SYT10: variants seen among roughly 807,000 people sequenced by gnomAD.
SYT10 encodes the protein synaptotagmin 10.
In SYT10, 31 loss-of-function variants were observed where a neutral mutation model predicts 51.1. The ratio of observed to expected loss-of-function variants is 0.61; its 90% CI spans 0.46 to 0.82. SYT10 has a LOEUF of 0.82. SYT10 is among the 40% of genes least tolerant of loss of function. The pLI is 0.00. For missense variants in SYT10, 603 were observed against 634.0 expected (o/e 0.95, Z 0.53); for synonymous variants, 233 against 225.9 (o/e 1.03, Z -0.28).
intron 6 of SYT10, among the ~76,000 whole-genome samples, chr12:33,378,814 C>CTGTGTGTGTG (rs56373564): frequency 8.9e-5 from 13 of 145,284 alleles, no homozygotes; most frequent in African/African-American, 3.2e-4. Flanking sequence ...GACTGGGTAT[C>CTGTGTGTGTG]TGTGTGTGTG....
chr12:33,417,373 C>T (rs1231305864), intron 2 of SYT10, among the ~76,000 whole-genome samples: 2 of 152,110 alleles, frequency 1.3e-5, no homozygotes, highest in African/African-American at 2.4e-5. Flanking sequence ...CATACTCTGC[C>T]CCTTTGCCTT....
At chr12:33,406,473 T>C (rs1467514998) in intron 3 of SYT10, among the ~76,000 whole-genome samples, 2 of 152,152 alleles carry the variant, frequency 1.3e-5, no homozygotes, top group Non-Finnish European at 2.9e-5. Flanking sequence ...TGAAAGTCAA[T>C]ACTAACTGTG....
intron 6 of SYT10, among the ~76,000 whole-genome samples, chr12:33,379,016 C>T (rs1395568552): frequency 1.4e-4 from 21 of 152,148 alleles, no homozygotes; most frequent in Non-Finnish European, 7.4e-5. Context: ...TCCCTTAACA[C>T]GTCCTGAGTA....
At chr12:33,384,405 T>C (rs1012339482) in intron 4 of SYT10, among the ~76,000 whole-genome samples, 33 of 152,248 alleles carry the variant, frequency 2.2e-4, no homozygotes, top group African/African-American at 7.9e-4. Context: ...TTATAGATCT[T>C]CCCCAAATGT....
intron 2 of SYT10, among the ~76,000 whole-genome samples, chr12:33,409,675 G>A (rs1271328026): frequency 3.3e-5 from 5 of 151,798 alleles, no homozygotes; most frequent in Non-Finnish European, 5.9e-5. Flanking sequence ...TACCACGCCC[G>A]GCTAATTTTT....
At position 33,421,887 on chromosome 12, in the gene SYT10, C is replaced by A. The variant is rs117633779; in HGVS notation, c.509+4251G>T. On this transcript the variant is annotated intron_variant, in intron 2 of 6. Transcript: ENST00000228567. ...TTGTTATTCCACACAAGGAAAGCAG[C>A]ATGAACAAAAGCACAGAGGCAAAGA... is the stretch of plus-strand genomic sequence containing the variant. Among the ~76,000 whole-genome samples the A allele has an allele frequency of 7.3e-3, 1,108 of 152,064 alleles. 6 individuals are homozygous for A. Among genetic ancestry groups the A allele is most frequent in the Non-Finnish European group, 0.012 (792 of 67,972 alleles).
At chr12:33,411,856 T>A (rs1488304662) in intron 2 of SYT10, among the ~76,000 whole-genome samples, 1 of 151,966 alleles carries the variant, frequency 6.6e-6, no homozygotes, top group Admixed American at 6.6e-5. Context: ...TAAATTAGGG[T>A]TAGCAAAGGT....
intron 3 of SYT10, among the ~76,000 whole-genome samples, chr12:33,391,214 G>A (rs1018443378): frequency 2.0e-5 from 3 of 151,894 alleles, no homozygotes; most frequent in Non-Finnish European, 2.9e-5. Flanking sequence ...TAGGATTACA[G>A]GCGTGAGCCA....
chr12:33,377,629 C>CT (rs375275079), intron 6 of SYT10, among the ~76,000 whole-genome samples: 9,311 of 113,834 alleles, frequency 0.082, 633 homozygotes, highest in African/African-American at 0.23. Flanking sequence ...TTTTCTTTTT[C>CT]TTTTTTTTTT....
intron 2 of SYT10, among the ~76,000 whole-genome samples, chr12:33,420,555 G>A (rs914257798): frequency 6.6e-6 from 1 of 152,110 alleles, no homozygotes; most frequent in African/African-American, 2.4e-5. Context: ...GGGAGGCTGA[G>A]GCAGGAGGAT....
At position 33,409,908 on chromosome 12, in the gene SYT10, G is replaced by A. The variant is rs543568887; in HGVS notation, c.510-2552C>T. On this transcript the variant is annotated intron_variant, in intron 2 of 6. Transcript: ENST00000228567. ...TAAGGCTAGCTGTCTTCTAATGCCC[G>A]AAGGACTGTCATGACAGCATTTAGG... Among the ~76,000 whole-genome samples, 11 of 152,218 alleles carry A rather than the reference G, an allele frequency of 7.2e-5. 1 individual carries two copies. The South Asian group carries it at 8.3e-4, about 11-fold the overall frequency.
At chr12:33,402,727 T>G (rs1866317084) in intron 3 of SYT10, among the ~76,000 whole-genome samples, 1 of 152,090 alleles carries the variant, frequency 6.6e-6, no homozygotes, top group Non-Finnish European at 1.5e-5. Flanking sequence ...CTAGGAAGAT[T>G]TTTTTGGATA....
At chr12:33,427,406 G>C (rs191207797) in intron 1 of SYT10, among the ~76,000 whole-genome samples, 3 of 152,166 alleles carry the variant, frequency 2.0e-5, no homozygotes, top group Admixed American at 2.0e-4. Context: ...TTTGTTTCCT[G>C]AAGATGTCAA....
intron 1 of SYT10, among the ~76,000 whole-genome samples, chr12:33,437,004 A>G (rs1866643009): frequency 6.6e-6 from 1 of 152,236 alleles, no homozygotes; most frequent in African/African-American, 2.4e-5. Flanking sequence ...AAGAAAATCT[A>G]CTTTAAAGAA....
rs1866059994 is a variant in SYT10, at chr12:33,376,158, GT to G, written c.*671del. The G allele has an allele frequency of 6.6e-6, 1 of 152,082 alleles. No homozygotes were observed. The highest frequency in any genetic ancestry group is 2.4e-5 in the African/African-American group (1 of 41,398). The allele number at this position is 152,082 out of a possible 1,614,324, so 9.4% of individuals were successfully genotyped here. A position where few individuals can be genotyped will look rare whatever the true frequency, so the allele number is the denominator to read the frequency against. ...TGGTAGCCACAATGGCTCAGCCTCC[GT>G]TTTTCAGCCAATAAGTATTACTTCT... is the stretch of plus-strand genomic sequence containing the variant. On this transcript the variant is annotated 3_prime_UTR_variant, in exon 7 of 7. Transcript: ENST00000228567.
At chr12:33,396,047 AAAAG>A (rs1246429688) in intron 3 of SYT10, among the ~76,000 whole-genome samples, 1 of 152,166 alleles carries the variant, frequency 6.6e-6, no homozygotes, top group Non-Finnish European at 1.5e-5. Context: ...CTAAACTATA[AAAAG>A]AAAGGATTAA....
chr12:33,381,381 T>C (rs1866113706), intron 5 of SYT10, among the ~76,000 whole-genome samples: 1 of 152,114 alleles, frequency 6.6e-6, no homozygotes, highest in African/African-American at 2.4e-5. Context: ...ACACTTAGCG[T>C]GTGTTTGTGC....
chr12:33,386,641 ACCT>A (rs1243327900), intron 3 of SYT10, among the ~76,000 whole-genome samples: 1 of 151,458 alleles, frequency 6.6e-6, no homozygotes, highest in Non-Finnish European at 1.5e-5. Context: ...TCCTATACTC[ACCT>A]CACTCCCAGA....
intron 6 of SYT10, among the ~76,000 whole-genome samples, chr12:33,378,852 G>T (rs2138379527): frequency 6.8e-6 from 1 of 146,630 alleles, no homozygotes; most frequent in Admixed American, 6.7e-5. Context: ...GTGTGTGTTT[G>T]TAGATGCATT....
Sources: gnomAD v4.1 joint callset for allele counts (sites outside exome capture counted in the v4.1 genomes callset) on GRCh38, gnomAD v4.1.1 for gene constraint, MANE v1.5 for transcripts, NCBI Gene and HGNC (gene_info 2026-07-23, HGNC 2026-07-21) for gene names.